Variants in DTWD2 observed in about 807,000 individuals in gnomAD.
DTWD2 encodes DTW motif tRNA-uridine aminocarboxypropyltransferase 2.
DTWD2 carries 39 observed loss-of-function variants against 31.8 expected under a neutral mutation model. The observed-to-expected ratio is 1.22, with a 90% CI of 0.95 to 1.60. DTWD2 has a LOEUF of 1.60. Among genes scored for constraint, DTWD2 ranks in the 40% most tolerant of loss-of-function variants. DTWD2 has a pLI of 0.00. For synonymous variants in DTWD2, 180 were observed against 142.8 expected (o/e 1.26, Z -1.86); for missense variants, 515 against 381.5 (o/e 1.35, Z -2.92).
chr5:118,868,133 A>C (rs1371056347), intron 4 of DTWD2, among the ~76,000 whole-genome samples: 1 of 152,156 alleles, frequency 6.6e-6, no homozygotes, highest in Non-Finnish European at 1.5e-5. Flanking sequence ...AATGATTTTC[A>C]ATACAGGTTA....
At chr5:118,907,059 T>C (rs887663422) in intron 4 of DTWD2, among the ~76,000 whole-genome samples, 2 of 152,182 alleles carry the variant, frequency 1.3e-5, no homozygotes, top group African/African-American at 4.8e-5. Context: ...CCTGGAAATT[T>C]TCCTGTTTAC....
At chr5:118,924,071 A>G (rs552288034) in intron 4 of DTWD2, among the ~76,000 whole-genome samples, 122 of 152,336 alleles carry the variant, frequency 8.0e-4, no homozygotes, top group African/African-American at 2.9e-3. Flanking sequence ...CCTCCAGGAA[A>G]ACTCCTCTGG....
At chr5:118,878,498 TA>T (rs1752670049) in intron 4 of DTWD2, among the ~76,000 whole-genome samples, 1 of 152,100 alleles carries the variant, frequency 6.6e-6, no homozygotes, top group Non-Finnish European at 1.5e-5. Context: ...TTATACCATA[TA>T]AAAAATTAAC....
At chr5:118,920,285 T>A (rs1753672476) in intron 4 of DTWD2, among the ~76,000 whole-genome samples, 1 of 152,114 alleles carries the variant, frequency 6.6e-6, no homozygotes, top group African/African-American at 2.4e-5. Context: ...TATTACACTG[T>A]CATCCTGTTT....
At chr5:118,876,904 ACCT>A (rs1336477948) in intron 4 of DTWD2, among the ~76,000 whole-genome samples, 1 of 152,180 alleles carries the variant, frequency 6.6e-6, no homozygotes, top group Non-Finnish European at 1.5e-5. Flanking sequence ...TGATACCAAA[ACCT>A]GGCAGAGACA....
chr5:118,961,131 G>A (rs539505572), intron 1 of DTWD2, among the ~76,000 whole-genome samples: 1 of 152,026 alleles, frequency 6.6e-6, no homozygotes, highest in Non-Finnish European at 1.5e-5. Context: ...AGAGAGGCCA[G>A]ATGCCTAGAG....
intron 1 of DTWD2, among the ~76,000 whole-genome samples, chr5:118,971,739 C>T (rs765411902): frequency 2.0e-5 from 3 of 152,122 alleles, no homozygotes; most frequent in Non-Finnish European, 2.9e-5. Flanking sequence ...GAAATCACTC[C>T]TCAGCAAATG....
intron 4 of DTWD2, among the ~76,000 whole-genome samples, chr5:118,857,396 G>T (rs188217475): frequency 6.6e-6 from 1 of 152,092 alleles, no homozygotes; most frequent in Non-Finnish European, 1.5e-5. Flanking sequence ...TATGTTGGGG[G>T]TTTTTTGCAG....
intron 4 of DTWD2, among the ~76,000 whole-genome samples, chr5:118,927,602 A>G (rs1301375710): frequency 6.6e-6 from 1 of 152,158 alleles, no homozygotes; most frequent in African/African-American, 2.4e-5. Context: ...AAGACTGTAT[A>G]TAAGTATATG....
At chr5:118,929,067 T>A (rs1753868029) in intron 3 of DTWD2, among the ~76,000 whole-genome samples, 1 of 152,170 alleles carries the variant, frequency 6.6e-6, no homozygotes, top group African/African-American at 2.4e-5. Flanking sequence ...CTGATCCACT[T>A]TATCAAAGTA....
At chr5:118,937,089 A>G (rs1474104605) in intron 3 of DTWD2, among the ~76,000 whole-genome samples, 5 of 152,142 alleles carry the variant, frequency 3.3e-5, no homozygotes, top group Non-Finnish European at 7.4e-5. Flanking sequence ...TATTTGTAAG[A>G]AAAAAACCTT....
intron 1 of DTWD2, among the ~76,000 whole-genome samples, chr5:118,959,360 A>G (rs749195233): frequency 6.6e-6 from 1 of 152,210 alleles, no homozygotes; most frequent in African/African-American, 2.4e-5. Context: ...AGACACAAAA[A>G]GAATAAAAAT....
At position 118,837,710 on chromosome 5, in the gene DTWD2, A is replaced by G. The variant is rs553277002; in HGVS notation, c.*3207T>C. Reference sequence around the variant, plus strand: ...GAGGCCAGGAGTTCAGGACCAGCCTAAACAACACAGCAAGACCCCCATCTC... The same window carrying G: ...GAGGCCAGGAGTTCAGGACCAGCCTGAACAACACAGCAAGACCCCCATCTC... On this transcript the variant is annotated 3_prime_UTR_variant, in exon 6 of 6. Coordinates refer to ENST00000510708, the MANE Select transcript of DTWD2 (RefSeq NM_173666.4). The G allele has an allele frequency of 6.6e-6, 1 of 152,302 alleles. No individual in the cohort carries two copies. Among genetic ancestry groups the G allele is most frequent in the African/African-American group, 2.4e-5 (1 of 41,548 alleles). The allele number at this position is 152,302 out of a possible 1,614,324, so 9.4% of individuals were successfully genotyped here.
chr5:118,890,019 T>C (rs6896086), intron 4 of DTWD2, among the ~76,000 whole-genome samples: 43 of 152,292 alleles, frequency 2.8e-4, no homozygotes, highest in South Asian at 8.3e-4. Context: ...AATGTCATTA[T>C]ATAAAATATC....
chr5:118,847,979 G>C, intron 5 of DTWD2, 111 bp downstream of exon 5: 3 of 1,203,078 alleles, frequency 2.5e-6, no homozygotes, highest in Non-Finnish European at 3.3e-6. Flanking sequence ...TTCTAACACA[G>C]AAGATTCTAC....
intron 4 of DTWD2, among the ~76,000 whole-genome samples, chr5:118,902,376 T>C (rs187916519): frequency 9.9e-5 from 15 of 152,232 alleles, no homozygotes; most frequent in African/African-American, 3.1e-4. Context: ...CACATGAATA[T>C]ATAACAACCA....
At chr5:118,893,963 G>GA (rs1019150519) in intron 4 of DTWD2, among the ~76,000 whole-genome samples, 5 of 151,460 alleles carry the variant, frequency 3.3e-5, no homozygotes, top group Admixed American at 1.3e-4. Flanking sequence ...ACTGATTTTA[G>GA]TCCAGTGAGA....
intron 4 of DTWD2, among the ~76,000 whole-genome samples, chr5:118,893,856 C>A (rs1753026831): frequency 6.6e-6 from 1 of 152,144 alleles, no homozygotes; most frequent in Admixed American, 6.5e-5. Flanking sequence ...AATCTCAGAT[C>A]TACAAGCACA....
In DTWD2 at chr5:118,841,102, A is replaced by G. The variant is rs1459734321; in HGVS notation, c.727-15T>C. On this transcript the variant is annotated splice_polypyrimidine_tract_variant and intron_variant, in intron 5 of 5. Coordinates refer to ENST00000510708, the MANE Select transcript of DTWD2 (RefSeq NM_173666.4). Reference sequence around the variant, plus strand: ...CGAAGCAAAGTCTGTCAAGAGAAAAAAGACACTAAAAAAGTATCTGTGACA... The same window carrying G: ...CGAAGCAAAGTCTGTCAAGAGAAAAGAGACACTAAAAAAGTATCTGTGACA... The G allele has an allele frequency of 1.3e-6, 2 of 1,593,990 alleles. No individual in the cohort carries two copies. Among genetic ancestry groups the G allele is most frequent in the Non-Finnish European group, 1.7e-6 (2 of 1,169,510 alleles).
Sources: allele counts gnomAD v4.1 joint callset (sites outside exome capture counted in the v4.1 genomes callset), GRCh38; gene constraint gnomAD v4.1.1; transcripts MANE v1.5; gene names NCBI Gene and HGNC (gene_info 2026-07-23, HGNC 2026-07-21).